The following ANKRD62 variants were observed in gnomAD, a reference collection of about 807,000 sequenced individuals.
ANKRD62 encodes the protein ankyrin repeat domain 62, also known as ankyrin repeat domain-containing protein 62.
ANKRD62 carries 61 observed loss-of-function variants against 98.8 expected under a neutral mutation model. The ratio of observed to expected loss-of-function variants is 0.62; its 90% confidence interval spans 0.50 to 0.76. The LOEUF (loss-of-function observed/expected upper bound fraction) is 0.76, where lower values mean the gene tolerates loss of function less well. Among genes scored for constraint, ANKRD62 ranks in the 30% least tolerant of loss-of-function variants. The probability of loss-of-function intolerance (pLI) is 0.00; values close to 1 mark genes in which losing one functional copy is unlikely to be tolerated. For synonymous variants in ANKRD62, 341 were observed against 367.9 expected (o/e 0.93, Z 0.84); for missense variants, 933 against 1,082.9 (o/e 0.86, Z 1.94).
Position 12,096,228 on chromosome 18 carries a change from T to C in ANKRD62, c.540T>C (p.Asn180=), listed in dbSNP as rs1451318279. The change falls in exon 4 of 14, where the codon AAT becomes AAC. Residue 180 remains asparagine, a synonymous_variant. Transcript: ENST00000587848. ...DGHTSLLLAV[N]RKKEQMVAFL... is the part of the protein sequence containing the mutation. ...ATACATCACTTTTACTCGCTGTAAA[T>C]AGGAAAAAAGAGCAAATGGTGGCAT... The C allele has an allele frequency of 6.5e-7, 1 of 1,535,150 alleles. No individual in the cohort carries two copies. Among genetic ancestry groups the C allele is most frequent in the South Asian group, 1.2e-5 (1 of 82,858 alleles).
the ANKRD62 span, among the ~76,000 whole-genome samples, chr18:12,168,634 A>C: frequency 2.6e-5 from 4 of 152,166 alleles, no homozygotes; most frequent in African/African-American, 9.7e-5. Flanking sequence ...CTTTCATTCC[A>C]TGTGGACTTT....
chr18:12,095,548 G>T lies in ANKRD62; in HGVS notation c.445G>T (p.Glu149Ter). Residue 149 changes from glutamate to a stop codon, truncating the protein, a stop_gained, in exon 3 of 14, where the codon GAG becomes TAG. Transcript: ENST00000587848. LOFTEE classifies it high-confidence loss of function. ...TGCTCTGCACTATGCCATTGATAAT[G>T]AGAATATATCAATGGCAAGAAAACT... ...NTALHYAIDN[E>*]NISMARKLLA... is the part of the protein sequence containing the mutation. 1 of 1,549,890 alleles carries T rather than the reference G, an allele frequency of 6.5e-7. No individual in the cohort carries two copies. Among genetic ancestry groups the T allele is most frequent in the South Asian group, 1.2e-5 (1 of 85,344 alleles).
chr18:12,132,474 A>C (rs369218900), downstream of ANKRD62, among the ~76,000 whole-genome samples: 1 of 150,828 alleles, frequency 6.6e-6, no homozygotes, highest in African/African-American at 2.4e-5. Context: ...CCTTCTCCCA[A>C]CTCCCTTTTA....
At chr18:12,153,057 A>G in the ANKRD62 span, among the ~76,000 whole-genome samples, 1 of 152,200 alleles carries the variant, frequency 6.6e-6, no homozygotes, top group Non-Finnish European at 1.5e-5. Flanking sequence ...CCCATTCACA[A>G]TGCCCACACA....
chr18:12,114,643 G>T (rs1210067297), intron 8 of ANKRD62, among the ~76,000 whole-genome samples: 1 of 152,062 alleles, frequency 6.6e-6, no homozygotes, highest in Non-Finnish European at 1.5e-5. Context: ...CAGTACTTGC[G>T]CAGTATGTCC....
At chr18:12,139,365 C>G in the ANKRD62 span, among the ~76,000 whole-genome samples, 1 of 152,044 alleles carries the variant, frequency 6.6e-6, no homozygotes, top group Non-Finnish European at 1.5e-5. Flanking sequence ...AATGTTGAAG[C>G]TGGGCACGGT....
At chr18:12,171,916 T>G in the ANKRD62 span, among the ~76,000 whole-genome samples, 1 of 152,244 alleles carries the variant, frequency 6.6e-6, no homozygotes, top group African/African-American at 2.4e-5. Context: ...TTTCTTCCAC[T>G]TGATCGAATT....
the ANKRD62 span, among the ~76,000 whole-genome samples, chr18:12,153,136 G>T: frequency 6.6e-6 from 1 of 152,144 alleles, no homozygotes; most frequent in Non-Finnish European, 1.5e-5. Context: ...ACAAACTGCT[G>T]CTTAAAGAAA....
Position 12,126,143 on chromosome 18 carries a change from T to G in ANKRD62, c.2322T>G (p.Asp774Glu). ...KYVRKQQSVEDGLFQLQSQNL... is the reference protein window; with the variant it reads ...KYVRKQQSVEEGLFQLQSQNL... ...TGAGAAAGCAGCAATCTGTAGAGGA[T>G]GGACTATTTCAACTACAAAGCCAAA... Residue 774 changes from aspartate to glutamate, a missense_variant, in exon 13 of 14, where the codon GAT (aspartate) becomes GAG (glutamate). Physicochemically the swap from Asp to Glu is conservative, Grantham distance 45. Around this residue, in one of 3 missense-constraint regions of ANKRD62, gnomAD observed 362 missense variants for 434.5 expected, o/e 0.83. Coordinates refer to ENST00000587848, the MANE Select transcript of ANKRD62 (RefSeq NM_001277333.2). The G allele has an allele frequency of 1.3e-6, 2 of 1,536,102 alleles. No individual in the cohort carries two copies. The highest frequency in any genetic ancestry group is 1.7e-6 in the Non-Finnish European group (2 of 1,146,864).
chr18:12,097,933 A>G (rs1307451729), intron 5 of ANKRD62, among the ~76,000 whole-genome samples, 156 bp downstream of exon 5: 1 of 152,174 alleles, frequency 6.6e-6, no homozygotes, highest in East Asian at 1.9e-4. Flanking sequence ...CAAGCATAAG[A>G]CTAGACAAGT....
intron 10 of ANKRD62, among the ~76,000 whole-genome samples, chr18:12,121,862 G>A (rs1909788327): frequency 6.6e-6 from 1 of 152,136 alleles, no homozygotes; most frequent in Admixed American, 6.6e-5. Flanking sequence ...CTCCCTCTTG[G>A]GTGGAAGCAG....
At position 12,127,745 on chromosome 18, in the gene ANKRD62, C is replaced by A; in HGVS notation, c.2563-3C>A. ...ATCAGTAACAAAAATAACATCTTACCAGGTAGTCAGGAGACAGCTTCAACG... is the reference window on the plus strand; with the variant it reads ...ATCAGTAACAAAAATAACATCTTACAAGGTAGTCAGGAGACAGCTTCAACG... On this transcript the variant is annotated splice_polypyrimidine_tract_variant and splice_region_variant and intron_variant, in intron 13 of 13. Coordinates refer to ENST00000587848, the MANE Select transcript of ANKRD62 (RefSeq NM_001277333.2). The A allele has an allele frequency of 2.2e-6, 3 of 1,375,188 alleles. No individual in the cohort carries two copies. The highest frequency in any genetic ancestry group is 1.9e-5 in the South Asian group (1 of 52,508). 85.2% of individuals were successfully genotyped at this position (1,375,188 alleles called of 1,614,324 possible).
At chr18:12,178,166 G>A in the ANKRD62 span, among the ~76,000 whole-genome samples, 3 of 151,534 alleles carry the variant, frequency 2.0e-5, no homozygotes, top group Non-Finnish European at 2.9e-5. Flanking sequence ...CCTGGAGAAA[G>A]TGACATGTAA....
chr18:12,138,618 G>T, the ANKRD62 span, among the ~76,000 whole-genome samples: 1 of 152,100 alleles, frequency 6.6e-6, no homozygotes, highest in Admixed American at 6.5e-5. Context: ...TTTCTGTCTC[G>T]TTGATCTGTC....
the ANKRD62 span, among the ~76,000 whole-genome samples, chr18:12,157,964 G>A: frequency 6.6e-6 from 1 of 152,204 alleles, no homozygotes; most frequent in African/African-American, 2.4e-5. Flanking sequence ...AACAAAAGCA[G>A]GGAGGCTGTA....
chr18:12,140,858 A>G, the ANKRD62 span, among the ~76,000 whole-genome samples: 4 of 152,230 alleles, frequency 2.6e-5, no homozygotes, highest in African/African-American at 9.6e-5. Flanking sequence ...GCCTGCTGGG[A>G]GAACCACTTC....
In ANKRD62 at chr18:12,115,392, G is replaced by A; in HGVS notation, c.1099-1G>A. 1 of 1,530,690 alleles carries A rather than the reference G, an allele frequency of 6.5e-7. No homozygotes were observed. The highest frequency in any genetic ancestry group is 8.7e-7 in the Non-Finnish European group (1 of 1,143,906). The allele number at this position is 1,530,690 out of a possible 1,614,324, so 94.8% of individuals were successfully genotyped here. On this transcript the variant is annotated splice_acceptor_variant, in intron 9 of 13. Transcript: ENST00000587848. LOFTEE classifies it high-confidence loss of function. ...TTGAAACAGTGTTATTTATTTTATAGGTTAAAAGCCAAATATATTTCACGG... is the reference window on the plus strand; with the variant it reads ...TTGAAACAGTGTTATTTATTTTATAAGTTAAAAGCCAAATATATTTCACGG...
intron 10 of ANKRD62, 66 bp downstream of exon 10, chr18:12,115,600 A>G (rs1440007409): frequency 2.2e-6 from 3 of 1,375,520 alleles, no homozygotes; most frequent in Non-Finnish European, 2.9e-6. Flanking sequence ...CATATTGCTT[A>G]GCACGGCACC....
At chr18:12,136,226 T>C in the ANKRD62 span, among the ~76,000 whole-genome samples, 1 of 151,928 alleles carries the variant, frequency 6.6e-6, no homozygotes, top group Non-Finnish European at 1.5e-5. Context: ...TTGTATAAGG[T>C]GTAAGGAAGG....
Sources: gnomAD v4.1 joint callset for allele counts (sites outside exome capture counted in the v4.1 genomes callset) on GRCh38, gnomAD v4.1.1 for gene constraint, gnomAD v4.1.1 regional missense constraint, MANE v1.5 for transcripts, NCBI Gene and HGNC (gene_info 2026-07-23, HGNC 2026-07-21) for gene names.